Variants in TMOD3 observed in about 807,000 individuals in gnomAD.
TMOD3 encodes the protein tropomodulin-3.
Under a neutral mutation model 39.2 loss-of-function variants are expected in TMOD3, and 20 were observed. That is an observed-to-expected ratio of 0.51 (90% CI 0.36 to 0.74). The LOEUF (loss-of-function observed/expected upper bound fraction) is 0.74. Ranked by LOEUF, TMOD3 falls within the 30% of genes least tolerant of loss-of-function variation. The pLI is 0.00. For synonymous variants in TMOD3, 143 were observed against 145.8 expected, an observed-to-expected ratio of 0.98 and a Z score of 0.14; for missense variants, 381 against 412.8, an observed-to-expected ratio of 0.92 and a Z score of 0.67.
intron 1 of TMOD3, chr15:51,861,274 C>T (rs1396294710): frequency 2.6e-6 from 1 of 385,494 alleles, no homozygotes; most frequent in Non-Finnish European, 5.1e-6. Flanking sequence ...TCTTTGTGTT[C>T]CTGAATTATC....
intron 5 of TMOD3, among the ~76,000 whole-genome samples, chr15:51,891,851 T>A (rs2056595146): frequency 6.6e-6 from 1 of 152,226 alleles, no homozygotes; most frequent in East Asian, 1.9e-4. Flanking sequence ...TTTCCTTGTC[T>A]TGAACCAAGT....
chr15:51,898,240 G>A (rs1280456581), intron 7 of TMOD3, among the ~76,000 whole-genome samples: 3 of 152,138 alleles, frequency 2.0e-5, no homozygotes, highest in Non-Finnish European at 4.4e-5. Context: ...CCAAATCAGG[G>A]CCTGTACATT....
intron 3 of TMOD3, among the ~76,000 whole-genome samples, chr15:51,873,604 A>G (rs936382014): frequency 6.6e-6 from 1 of 152,240 alleles, no homozygotes; most frequent in African/African-American, 2.4e-5. Flanking sequence ...ATGTTGTAGC[A>G]GTGTCATTCA....
At chr15:51,872,317 C>T (rs1256735486) in intron 3 of TMOD3, among the ~76,000 whole-genome samples, 2 of 151,954 alleles carry the variant, frequency 1.3e-5, no homozygotes, top group East Asian at 1.9e-4. Context: ...CCCTTGAACT[C>T]AGGAGGCGGA....
At chr15:51,894,217 TTC>T (rs2056609800) in intron 6 of TMOD3, among the ~76,000 whole-genome samples, 1 of 152,174 alleles carries the variant, frequency 6.6e-6, no homozygotes, top group Non-Finnish European at 1.5e-5. Flanking sequence ...TACTGCCCAC[TTC>T]TAAGAACATT....
At chr15:51,866,413 G>A (rs1434840598) in intron 2 of TMOD3, among the ~76,000 whole-genome samples, 4 of 151,882 alleles carry the variant, frequency 2.6e-5, no homozygotes, top group East Asian at 1.9e-4. Context: ...AGCTGTGATC[G>A]CACCACTGTA....
chr15:51,901,572 AGTGTGTGTGT>A (rs57976840), intron 8 of TMOD3: 3,417 of 184,868 alleles, frequency 0.018, 36 homozygotes, highest in Middle Eastern at 0.033. Context: ...TAAAAAGTTT[AGTGTGTGTGT>A]GTGTGTGTGT....
At chr15:51,838,891 G>C (rs2056299465) in intron 1 of TMOD3, among the ~76,000 whole-genome samples, 1 of 152,118 alleles carries the variant, frequency 6.6e-6, no homozygotes, top group African/African-American at 2.4e-5. Flanking sequence ...CAGATTTCTG[G>C]AGAAGAATTG....
intron 9 of TMOD3, among the ~76,000 whole-genome samples, chr15:51,904,466 G>T (rs987180863): frequency 6.6e-6 from 1 of 152,062 alleles, no homozygotes. Flanking sequence ...TAATTTTCTG[G>T]TACCTGAATA....
intron 2 of TMOD3, among the ~76,000 whole-genome samples, chr15:51,864,352 G>A (rs2056434654): frequency 6.6e-6 from 1 of 151,502 alleles, no homozygotes; most frequent in East Asian, 1.9e-4. Flanking sequence ...ATTTACTTTT[G>A]AGGTTGGATA....
chr15:51,886,881 T>C (rs140460388), intron 3 of TMOD3, among the ~76,000 whole-genome samples: 21 of 152,316 alleles, frequency 1.4e-4, no homozygotes, highest in African/African-American at 4.1e-4. Flanking sequence ...ATCATAATTG[T>C]CTCTGCTATC....
At chr15:51,863,794 T>C (rs1299654267) in intron 2 of TMOD3, among the ~76,000 whole-genome samples, 1 of 152,244 alleles carries the variant, frequency 6.6e-6, no homozygotes, top group African/African-American at 2.4e-5. Flanking sequence ...TTGTTGTTAC[T>C]GGATGATGTA....
At chr15:51,864,381 G>A (rs1037854824) in intron 2 of TMOD3, among the ~76,000 whole-genome samples, 4 of 151,956 alleles carry the variant, frequency 2.6e-5, no homozygotes, top group East Asian at 1.9e-4. Flanking sequence ...TAGGGGGGCC[G>A]TTCTGTGCCT....
chr15:51,830,154 A>G (rs572834266), intron 1 of TMOD3, among the ~76,000 whole-genome samples: 1 of 152,016 alleles, frequency 6.6e-6, no homozygotes, highest in Non-Finnish European at 1.5e-5. Context: ...GCCGCGGCCG[A>G]GCTGGCTCCC....
At chr15:51,870,556 T>C (rs2056469978) in intron 3 of TMOD3, among the ~76,000 whole-genome samples, 1 of 152,192 alleles carries the variant, frequency 6.6e-6, no homozygotes, top group Non-Finnish European at 1.5e-5. Flanking sequence ...GGCTACCCCT[T>C]AGCTGCAAGG....
At chr15:51,834,879 CT>C (rs933456449) in intron 1 of TMOD3, 2 of 152,094 alleles carry the variant, frequency 1.3e-5, no homozygotes, top group African/African-American at 4.8e-5. Flanking sequence ...ATTAGATTGA[CT>C]TGGCATCTTA....
rs562160545 is a variant in TMOD3, at chr15:51,878,931, T to A, written c.284-8658T>A. On this transcript the variant is annotated intron_variant, in intron 3 of 9. Coordinates refer to ENST00000308580, the MANE Select transcript of TMOD3 (RefSeq NM_014547.5). ...CAAGAGCCACCTCTGTTTCTTGTTA[T>A]TATATTTTTTATATACTCAGCAAGG... 2.0e-5 allele frequency among the ~76,000 whole-genome samples: 3 copies of A among 152,324 alleles called. No individual in the cohort carries two copies. In the South Asian group the frequency reaches 6.2e-4, roughly 32 times the overall value.
At chr15:51,889,755 A>G (rs913456316) in intron 5 of TMOD3, among the ~76,000 whole-genome samples, 1 of 152,154 alleles carries the variant, frequency 6.6e-6, no homozygotes, top group Admixed American at 6.6e-5. Context: ...AGTCTCAGCT[A>G]CTTGGGAGGC....
At chr15:51,867,385 T>C (rs2056452343) in intron 2 of TMOD3, among the ~76,000 whole-genome samples, 1 of 152,242 alleles carries the variant, frequency 6.6e-6, no homozygotes, top group African/African-American at 2.4e-5. Context: ...AGAAATCTTA[T>C]GTTTCTTTTT....
Sources: gnomAD v4.1 joint callset for allele counts (sites outside exome capture counted in the v4.1 genomes callset) on GRCh38, gnomAD v4.1.1 for gene constraint, MANE v1.5 for transcripts, NCBI Gene and HGNC (gene_info 2026-07-23, HGNC 2026-07-21) for gene names.